Variants in CCSER1 observed in about 807,000 individuals in gnomAD.
CCSER1 encodes the protein coiled-coil serine rich protein 1.
In CCSER1, 41 loss-of-function variants were observed where a neutral mutation model predicts 82.0. That is an observed-to-expected ratio of 0.50 (90% CI 0.39 to 0.65). The LOEUF is 0.65. Ranked by LOEUF, CCSER1 falls within the 30% of genes least tolerant of loss-of-function variation. CCSER1 has a pLI of 0.00. For missense variants in CCSER1, 1,119 were observed against 1,064.2 expected (o/e 1.05, Z -0.72); for synonymous variants, 414 against 383.9 (o/e 1.08, Z -0.92).
At chr4:91,021,686 A>T in intron 9 of CCSER1, among the ~76,000 whole-genome samples, 1 of 152,318 alleles carries the variant, frequency 6.6e-6, no homozygotes, top group Non-Finnish European at 1.5e-5. Context: ...TGTCCCAGAA[A>T]CTGTAAAAGA....
intron 10 of CCSER1, among the ~76,000 whole-genome samples, chr4:91,527,773 T>C (rs953968220): frequency 3.3e-5 from 5 of 152,106 alleles, no homozygotes; most frequent in Admixed American, 2.0e-4. Context: ...TATATAAATA[T>C]CTAAAGGCAA....
intron 10 of CCSER1, among the ~76,000 whole-genome samples, chr4:91,503,345 A>T (rs1188814897): frequency 6.6e-6 from 1 of 151,642 alleles, no homozygotes; most frequent in Non-Finnish European, 1.5e-5. Context: ...CCATCTCAAA[A>T]AAAAAAAAAA....
chr4:91,061,024 C>T (rs1267637630), intron 9 of CCSER1, among the ~76,000 whole-genome samples: 1 of 151,850 alleles, frequency 6.6e-6, no homozygotes, highest in Non-Finnish European at 1.5e-5. Context: ...TATATTTTTA[C>T]CATTTTAGTT....
intron 9 of CCSER1, among the ~76,000 whole-genome samples, chr4:91,028,326 G>T (rs1239858547): frequency 6.6e-6 from 1 of 151,888 alleles, no homozygotes; most frequent in Non-Finnish European, 1.5e-5. Flanking sequence ...GGCATTCTAA[G>T]TTGGCTAGAG....
intron 10 of CCSER1, among the ~76,000 whole-genome samples, chr4:91,156,596 G>A (rs1322830666): frequency 6.6e-6 from 1 of 151,452 alleles, no homozygotes; most frequent in African/African-American, 2.4e-5. Flanking sequence ...TTTAAGAAAA[G>A]CTTTAAAATA....
chr4:91,183,372 C>A (rs1004693927), intron 10 of CCSER1, among the ~76,000 whole-genome samples: 1 of 151,682 alleles, frequency 6.6e-6, no homozygotes, highest in Non-Finnish European at 1.5e-5. Flanking sequence ...CATTACTAGA[C>A]CTATCTGTAA....
At chr4:91,514,299 A>G (rs1759982140) in intron 10 of CCSER1, among the ~76,000 whole-genome samples, 1 of 152,008 alleles carries the variant, frequency 6.6e-6, no homozygotes, top group Admixed American at 6.6e-5. Flanking sequence ...TTCTATTTTA[A>G]TTCCGCTGCA....
intron 10 of CCSER1, among the ~76,000 whole-genome samples, chr4:91,222,241 G>A (rs189063517): frequency 6.6e-6 from 1 of 151,356 alleles, no homozygotes; most frequent in Admixed American, 6.6e-5. Flanking sequence ...GGTGAGCACA[G>A]CCGAGAGAGG....
intron 9 of CCSER1, among the ~76,000 whole-genome samples, chr4:91,069,650 T>A (rs543674955): frequency 6.6e-6 from 1 of 152,316 alleles, no homozygotes; most frequent in South Asian, 2.1e-4. Context: ...TTTCCAGTGT[T>A]AAATCCTGAG....
intron 6 of CCSER1, among the ~76,000 whole-genome samples, chr4:90,663,310 T>G (rs1424291027): frequency 6.6e-6 from 1 of 152,192 alleles, no homozygotes; most frequent in Non-Finnish European, 1.5e-5. Context: ...TGAGATTCAA[T>G]CAGGTTTATT....
intron 10 of CCSER1, among the ~76,000 whole-genome samples, chr4:91,546,552 A>G (rs545894627): frequency 6.6e-6 from 1 of 152,158 alleles, no homozygotes; most frequent in South Asian, 2.1e-4. Context: ...TTTCTTTATT[A>G]TCATTGTAAT....
chr4:90,930,686 C>T (rs1468311103), intron 9 of CCSER1, among the ~76,000 whole-genome samples: 2 of 151,364 alleles, frequency 1.3e-5, no homozygotes, highest in Non-Finnish European at 2.9e-5. Flanking sequence ...AAGGAAACAC[C>T]AAGTATAAGC....
intron 9 of CCSER1, among the ~76,000 whole-genome samples, chr4:91,037,015 T>C (rs1326665882): frequency 6.6e-6 from 1 of 152,090 alleles, no homozygotes; most frequent in African/African-American, 2.4e-5. Context: ...AAGGGGAGTT[T>C]GCAGTGACTG....
At chr4:90,254,230 A>G (rs956194486) in intron 1 of CCSER1, among the ~76,000 whole-genome samples, 20 of 152,182 alleles carry the variant, frequency 1.3e-4, no homozygotes, top group African/African-American at 4.6e-4. Flanking sequence ...ATCTTTTAGG[A>G]AGACCTATAG....
At chr4:91,580,835 C>A (rs930908513) in intron 10 of CCSER1, among the ~76,000 whole-genome samples, 1 of 151,584 alleles carries the variant, frequency 6.6e-6, no homozygotes, top group African/African-American at 2.4e-5. Flanking sequence ...TTTATTTTTT[C>A]AGATCTTTTC....
intron 1 of CCSER1, among the ~76,000 whole-genome samples, chr4:90,172,940 A>G (rs1731990190): frequency 6.6e-6 from 1 of 151,800 alleles, no homozygotes; most frequent in African/African-American, 2.4e-5. Flanking sequence ...AGGTGAGGTA[A>G]ATGTTAAAAA....
chr4:90,431,493 A>G (rs892193746), intron 4 of CCSER1, among the ~76,000 whole-genome samples: 3 of 152,112 alleles, frequency 2.0e-5, no homozygotes, highest in African/African-American at 7.2e-5. Flanking sequence ...TAATAAAGTA[A>G]TGAAGTCCTA....
chr4:90,638,606 TC>T (rs1725886866), intron 6 of CCSER1, among the ~76,000 whole-genome samples: 1 of 152,316 alleles, frequency 6.6e-6, no homozygotes, highest in East Asian at 1.9e-4. Flanking sequence ...TAATGACATC[TC>T]TTAGACTGAT....
intron 10 of CCSER1, among the ~76,000 whole-genome samples, chr4:91,145,681 C>T (rs939354028): frequency 5.3e-5 from 8 of 152,100 alleles, no homozygotes; most frequent in African/African-American, 1.9e-4. Context: ...GCATGCCTGA[C>T]AAATATTTTA....
Sources: gnomAD v4.1 joint callset for allele counts (sites outside exome capture counted in the v4.1 genomes callset) on GRCh38, gnomAD v4.1.1 for gene constraint, MANE v1.5 for transcripts, NCBI Gene and HGNC (gene_info 2026-07-23, HGNC 2026-07-21) for gene names.